The following ARHGEF10 variants were observed in gnomAD, a reference collection of about 807,000 sequenced individuals.
ARHGEF10 encodes Rho guanine nucleotide exchange factor (GEF) 10.
ARHGEF10 carries 140 observed loss-of-function variants against 147.4 expected under a neutral mutation model. That is an observed-to-expected ratio of 0.95 (90% confidence interval 0.83 to 1.09). The LOEUF is 1.09. ARHGEF10 is among the 50% of genes least tolerant of loss of function. The probability of loss-of-function intolerance (pLI) is 0.00; values close to 1 mark genes in which losing one functional copy is unlikely to be tolerated. For synonymous variants in ARHGEF10, 902 were observed against 695.8 expected (o/e 1.30, Z -4.67); for missense variants, 2,222 against 1,752.7 (o/e 1.27, Z -4.78).
At chr8:1,855,058 GCCTT>G (rs1174044636) in intron 2 of ARHGEF10, among the ~76,000 whole-genome samples, 3 of 152,112 alleles carry the variant, frequency 2.0e-5, no homozygotes, top group Non-Finnish European at 4.4e-5. Flanking sequence ...CCTGTTCACG[GCCTT>G]CCTTCCTGAA....
intron 5 of ARHGEF10, among the ~76,000 whole-genome samples, chr8:1,865,547 G>A (rs769481035): frequency 1.9e-4 from 25 of 132,594 alleles, no homozygotes; most frequent in Non-Finnish European, 2.9e-4. Flanking sequence ...GGCGTCCCCC[G>A]GCACCCAGGG....
Position 1,843,369 on chromosome 8 carries a change from C to A in ARHGEF10, c.-31C>A. ...TTCTTGCAGGAGCTCCTTCCCTTAA[C>A]AGAGCTGAGAGAGGCATCTGGAGCT... On this transcript the variant is annotated 5_prime_UTR_variant, in exon 2 of 29. Transcript: ENST00000349830. 6.2e-7 allele frequency: 1 copy of A among 1,612,792 alleles called. No homozygotes were observed. The highest frequency in any genetic ancestry group is 8.5e-7 in the Non-Finnish European group (1 of 1,179,940).
intron 22 of ARHGEF10, among the ~76,000 whole-genome samples, chr8:1,925,957 C>A (rs1812658450): frequency 6.6e-6 from 1 of 152,194 alleles, no homozygotes; most frequent in South Asian, 2.1e-4. Flanking sequence ...CAGGGTTTCC[C>A]AGCAGCTCCC....
At chr8:1,919,638 G>C (rs1812070871) in intron 18 of ARHGEF10, among the ~76,000 whole-genome samples, 3 of 147,914 alleles carry the variant, frequency 2.0e-5, no homozygotes, top group South Asian at 2.2e-4. Context: ...GAGCTGTTCT[G>C]TGGGTGATGA....
Position 1,922,987 on chromosome 8 carries a change from C to A in ARHGEF10, c.2167C>A (p.Gln723Lys), listed in dbSNP as rs1424324352. 2 of 1,613,012 alleles carry A rather than the reference C, an allele frequency of 1.2e-6. No individual in the cohort carries two copies. Among genetic ancestry groups the A allele is most frequent in the East Asian group, 2.2e-5 (1 of 44,842 alleles). Residue 723 changes from glutamine to lysine, a missense_variant, in exon 19 of 29, where the codon CAA (glutamine) becomes AAA (lysine). Gln to Lys is a moderately conservative substitution (Grantham distance 53). Transcript: ENST00000349830. ...KPNKVYMGPG[Q>K]LYQDLQNLLH... is the part of the protein sequence containing the mutation. ...AGACAAAGTTTACATGGGGCCAGGA[C>A]AACTGTATCAAGATTTACAAAACTT... is the stretch of plus-strand genomic sequence containing the variant.
chr8:1,872,334 T>C (rs367761463), intron 7 of ARHGEF10, among the ~76,000 whole-genome samples: 4 of 152,286 alleles, frequency 2.6e-5, no homozygotes, highest in South Asian at 4.1e-4. Context: ...TTATTGAGCC[T>C]TCAGGGAGCG....
At chr8:1,883,881 C>G (rs1563226590) in intron 10 of ARHGEF10, among the ~76,000 whole-genome samples, 1 of 152,122 alleles carries the variant, frequency 6.6e-6, no homozygotes, top group Non-Finnish European at 1.5e-5. Context: ...GCAGCAACCC[C>G]CCAACTGGAG....
At chr8:1,951,879 C>T (rs1384434162) in intron 27 of ARHGEF10, among the ~76,000 whole-genome samples, 1 of 42,138 alleles carries the variant, frequency 2.4e-5, no homozygotes, top group Non-Finnish European at 5.1e-5. Flanking sequence ...TGATGTGGCT[C>T]CCACCCTGTA....
intron 8 of ARHGEF10, among the ~76,000 whole-genome samples, chr8:1,878,765 G>A (rs11783176): frequency 0.59 from 89,772 of 152,048 alleles, 27,128 homozygotes; most frequent in East Asian, 0.91. Flanking sequence ...GAGCGGGCCC[G>A]TATCCCAGAG....
At chr8:1,919,478 G>A (rs1282419838) in intron 18 of ARHGEF10, among the ~76,000 whole-genome samples, 1 of 140,152 alleles carries the variant, frequency 7.1e-6, no homozygotes, top group Non-Finnish European at 1.5e-5. Context: ...GAGCTGTTCT[G>A]TCCAGTGATG....
chr8:1,945,420 C>T, intron 26 of ARHGEF10, 61 bp from the exon 27 acceptor site: 1 of 1,549,390 alleles, frequency 6.5e-7, no homozygotes, highest in Non-Finnish European at 8.7e-7. Context: ...CACGTGGACC[C>T]AACAGGCCCC....
chr8:1,869,551 A>G (rs1806914448), intron 7 of ARHGEF10: 1 of 514,320 alleles, frequency 1.9e-6, no homozygotes, highest in African/African-American at 1.9e-5. Flanking sequence ...GCAGCAATGT[A>G]TATCGAATAA....
intron 11 of ARHGEF10, among the ~76,000 whole-genome samples, chr8:1,888,203 CT>C (rs1808920043): frequency 2.2e-5 from 1 of 45,512 alleles, no homozygotes; most frequent in Admixed American, 1.9e-4. Flanking sequence ...CGAGGAGACA[CT>C]TAGTGGGGCG....
At chr8:1,895,391 A>G (rs572407000) in intron 13 of ARHGEF10, among the ~76,000 whole-genome samples, 1 of 152,346 alleles carries the variant, frequency 6.6e-6, no homozygotes, top group East Asian at 1.9e-4. Context: ...TCTTAAATGA[A>G]TGTTATAATA....
chr8:1,946,030 C>G, intron 27 of ARHGEF10: 3 of 388,594 alleles, frequency 7.7e-6, no homozygotes, highest in East Asian at 6.0e-5. Flanking sequence ...AACAGGAGGC[C>G]TCCCTTTGGC....
chr8:1,930,117 G>T (rs549072345), intron 25 of ARHGEF10, among the ~76,000 whole-genome samples: 1 of 151,932 alleles, frequency 6.6e-6, no homozygotes, highest in Non-Finnish European at 1.5e-5. Flanking sequence ...GGCTGAGGCT[G>T]CTCTCCTGGC....
At chr8:1,875,919 T>C (rs1807658662) in intron 7 of ARHGEF10, 1 of 153,532 alleles carries the variant, frequency 6.5e-6, no homozygotes, top group Admixed American at 6.4e-5. Flanking sequence ...TATTTGTATC[T>C]AAGAAACCAG....
chr8:1,827,410 G>A (rs1301405141), intron 1 of ARHGEF10, among the ~76,000 whole-genome samples: 1 of 152,170 alleles, frequency 6.6e-6, no homozygotes, highest in Non-Finnish European at 1.5e-5. Flanking sequence ...CCAGGTTCAA[G>A]CAATTCTCCT....
chr8:1,882,062 C>T (rs980304523), intron 9 of ARHGEF10, among the ~76,000 whole-genome samples: 3 of 152,208 alleles, frequency 2.0e-5, no homozygotes, highest in Non-Finnish European at 4.4e-5. Context: ...ACATGGCTTC[C>T]GAGTCTGACA....
Sources: gnomAD v4.1 joint callset for allele counts (sites outside exome capture counted in the v4.1 genomes callset) on GRCh38, gnomAD v4.1.1 for gene constraint, MANE v1.5 for transcripts, NCBI Gene and HGNC (gene_info 2026-07-23, HGNC 2026-07-21) for gene names.